FAM135A: variants seen among roughly 807,000 people sequenced by gnomAD.
FAM135A encodes family with sequence similarity 135 member A, also known as protein FAM135A.
In FAM135A, 79 loss-of-function variants were observed where a neutral mutation model predicts 146.8. That is an observed-to-expected ratio of 0.54 (90% CI 0.45 to 0.65). FAM135A has a LOEUF of 0.65. Among genes scored for constraint, FAM135A ranks in the 30% least tolerant of loss-of-function variants. The probability of loss-of-function intolerance (pLI) is 0.00; values close to 1 mark genes in which losing one functional copy is unlikely to be tolerated. For synonymous variants in FAM135A, 562 were observed against 603.6 expected, an observed-to-expected ratio of 0.93 and a Z score of 1.01; for missense variants, 1,623 against 1,758.2, an observed-to-expected ratio of 0.92 and a Z score of 1.38.
chr6:70,433,912 C>G (rs181338404), intron 4 of FAM135A, among the ~76,000 whole-genome samples: 1 of 152,214 alleles, frequency 6.6e-6, no homozygotes, highest in African/African-American at 2.4e-5. Context: ...AAACAGAAAG[C>G]TCAGATACTA....
At chr6:70,417,083 C>T (rs1419431692) in intron 2 of FAM135A, among the ~76,000 whole-genome samples, 1 of 151,906 alleles carries the variant, frequency 6.6e-6, no homozygotes, top group Non-Finnish European at 1.5e-5. Context: ...GTAACTAACC[C>T]TTCAGGTAGT....
intron 21 of FAM135A, among the ~76,000 whole-genome samples, chr6:70,558,066 A>G (rs56074506): frequency 0.2 from 30,219 of 152,190 alleles, 3,275 homozygotes; most frequent in African/African-American, 0.28. Context: ...GACATTGGGG[A>G]ACAAGGGGAA....
intron 12 of FAM135A, among the ~76,000 whole-genome samples, chr6:70,511,508 A>G (rs1791001953): frequency 6.6e-6 from 1 of 151,794 alleles, no homozygotes; most frequent in African/African-American, 2.4e-5. Context: ...TTCTAATCTC[A>G]ATTTAATTAG....
At chr6:70,538,515 C>A in intron 20 of FAM135A, 114 bp downstream of exon 20, 1 of 520,010 alleles carries the variant, frequency 1.9e-6, no homozygotes, top group Non-Finnish European at 3.1e-6. Context: ...AAGTGTCATT[C>A]TACTGTAATT....
At position 70,526,551 on chromosome 6, in the gene FAM135A, C is replaced by T. The variant is rs534833258; in HGVS notation, c.3467C>T (p.Pro1156Leu). Reference protein sequence around the residue: ...TVCTSGCLSFPSAPRESPCNV... With the variant: ...TVCTSGCLSFLSAPRESPCNV... ...TGTACTTCTGGTTGTTTGTCCTTCC[C>T]GTCTGCACCACGAGAGTCTCCTTGT... Residue 1156 changes from proline (P) to leucine (L), a missense_variant, in exon 15 of 22, where the codon CCG becomes CTG. Pro to Leu is a moderately conservative substitution (Grantham distance 98). Transcript: ENST00000418814. 3 of 1,613,430 alleles carry T rather than the reference C, an allele frequency of 1.9e-6. No homozygotes were observed. Among genetic ancestry groups the T allele is most frequent in the South Asian group, 2.2e-5 (2 of 91,048 alleles).
intron 5 of FAM135A, among the ~76,000 whole-genome samples, chr6:70,474,044 C>A (rs1190179177): frequency 6.6e-6 from 1 of 151,974 alleles, no homozygotes; most frequent in Non-Finnish European, 1.5e-5. Flanking sequence ...CAGGTTCTGA[C>A]ACTTTACTCT....
chr6:70,459,182 A>C (rs925089337), intron 5 of FAM135A, among the ~76,000 whole-genome samples: 5 of 151,870 alleles, frequency 3.3e-5, no homozygotes, highest in African/African-American at 9.7e-5. Flanking sequence ...TTTTCTTTTA[A>C]CTTTGATTCG....
chr6:70,460,096 A>G (rs1230162151), intron 5 of FAM135A, among the ~76,000 whole-genome samples: 1 of 152,190 alleles, frequency 6.6e-6, no homozygotes, highest in Non-Finnish European at 1.5e-5. Context: ...TGTTTTCTAG[A>G]TGTAACAACT....
intron 5 of FAM135A, among the ~76,000 whole-genome samples, chr6:70,456,523 A>G (rs971394783): frequency 2.0e-5 from 3 of 152,364 alleles, no homozygotes; most frequent in South Asian, 2.1e-4. Context: ...AAAGATTTTG[A>G]ATGTCAGAAT....
intron 4 of FAM135A, among the ~76,000 whole-genome samples, chr6:70,450,047 G>A (rs755649865): frequency 2.6e-5 from 4 of 152,032 alleles, no homozygotes; most frequent in Non-Finnish European, 5.9e-5. Context: ...TTAGCCATTC[G>A]TATGTCTTCT....
intron 10 of FAM135A, among the ~76,000 whole-genome samples, chr6:70,483,237 T>C (rs1229167820): frequency 4.6e-5 from 7 of 152,216 alleles, no homozygotes; most frequent in Non-Finnish European, 1.5e-5. Flanking sequence ...ATTAATTAAG[T>C]CCACTATTCA....
chr6:70,554,191 C>G (rs1435895235), intron 20 of FAM135A, among the ~76,000 whole-genome samples: 1 of 152,148 alleles, frequency 6.6e-6, no homozygotes, highest in Non-Finnish European at 1.5e-5. Context: ...GTTTTGTTTT[C>G]TCTCCTAAAA....
chr6:70,458,702 A>G (rs1778850681), intron 5 of FAM135A, among the ~76,000 whole-genome samples: 1 of 152,142 alleles, frequency 6.6e-6, no homozygotes, highest in Non-Finnish European at 1.5e-5. Flanking sequence ...GAGGATAGTG[A>G]TTGATGGGAT....
chr6:70,541,337 T>A (rs1047630437), intron 20 of FAM135A, among the ~76,000 whole-genome samples: 4 of 152,154 alleles, frequency 2.6e-5, no homozygotes, highest in African/African-American at 4.8e-5. Context: ...TTCACTTTTT[T>A]GGTTTCTGTC....
At chr6:70,546,459 T>C (rs1279515058) in intron 20 of FAM135A, among the ~76,000 whole-genome samples, 1 of 152,206 alleles carries the variant, frequency 6.6e-6, no homozygotes, top group East Asian at 1.9e-4. Context: ...AAGCCTCTTC[T>C]GTGGGTCTTC....
At chr6:70,511,384 A>G (rs1790973230) in intron 12 of FAM135A, among the ~76,000 whole-genome samples, 1 of 151,938 alleles carries the variant, frequency 6.6e-6, no homozygotes, top group African/African-American at 2.4e-5. Flanking sequence ...TAAAGATATA[A>G]GGTAACCCTT....
chr6:70,460,852 T>TTTTTTTTC (rs59874584), intron 5 of FAM135A, among the ~76,000 whole-genome samples: 6,702 of 151,280 alleles, frequency 0.044, 330 homozygotes, highest in African/African-American at 0.11. Flanking sequence ...AGCTATCTTT[T>TTTTTTTTC]TTTTTTTTTT....
At position 70,452,584 on chromosome 6, in the gene FAM135A, A is replaced by C. The variant is rs138560242; in HGVS notation, c.157+13A>C. 1.5e-3 allele frequency: 2,255 copies of C among 1,542,932 alleles called. 13 individuals carry two copies. Among genetic ancestry groups the C allele is most frequent in the Middle Eastern group, 0.013 (73 of 5,822 alleles). On this transcript the variant is annotated intron_variant, in intron 5 of 21. Coordinates refer to ENST00000418814, the MANE Select transcript of FAM135A (RefSeq NM_001162529.3). The stretch of plus-strand genomic sequence containing the variant: ...TTGCATGCAACAGGTAAGCCAAAGA[A>C]TACATTCAAATTTAAAAAGTAATCT...
chr6:70,443,293 T>G (rs1222813301), intron 4 of FAM135A, among the ~76,000 whole-genome samples: 2 of 152,214 alleles, frequency 1.3e-5, no homozygotes, highest in African/African-American at 4.8e-5. Context: ...GCTGGAAAAT[T>G]CCCATCACCT....
Sources: gnomAD v4.1 joint callset for allele counts (sites outside exome capture counted in the v4.1 genomes callset) on GRCh38, gnomAD v4.1.1 for gene constraint, MANE v1.5 for transcripts, NCBI Gene and HGNC (gene_info 2026-07-23, HGNC 2026-07-21) for gene names.